Variants in CTNNA2 observed in about 807,000 individuals in gnomAD.
CTNNA2 encodes catenin alpha 2.
In CTNNA2, 42 loss-of-function variants were observed where a neutral mutation model predicts 101.0. That is an observed-to-expected ratio of 0.42 (90% CI 0.32 to 0.54). The LOEUF (loss-of-function observed/expected upper bound fraction) is 0.54, where lower values mean the gene tolerates loss of function less well. Among genes scored for constraint, CTNNA2 ranks in the 20% least tolerant of loss-of-function variants. The pLI is 0.14. For synonymous variants in CTNNA2, 450 were observed against 456.4 expected (o/e 0.99, Z 0.18); for missense variants, 871 against 1,223.1 (o/e 0.71, Z 4.29).
At chr2:79,396,675 A>G (rs1028819712) in intron 4 of CTNNA2, among the ~76,000 whole-genome samples, 9 of 152,160 alleles carry the variant, frequency 5.9e-5, no homozygotes, top group Admixed American at 5.9e-4. Flanking sequence ...CATATGTTTT[A>G]AGGCTTTCCT....
intron 4 of CTNNA2, among the ~76,000 whole-genome samples, chr2:79,384,699 C>G (rs1042045084): frequency 6.6e-6 from 1 of 152,140 alleles, no homozygotes; most frequent in Non-Finnish European, 1.5e-5. Flanking sequence ...GCTCTGCACT[C>G]TCTTTGCACA....
At chr2:79,549,020 G>A (rs1673916799) in intron 1 of CTNNA2, among the ~76,000 whole-genome samples, 1 of 152,144 alleles carries the variant, frequency 6.6e-6, no homozygotes, top group African/African-American at 2.4e-5. Flanking sequence ...CCGCTTAATG[G>A]TTATGTGTCC....
At chr2:79,516,600 A>G (rs1035428696) in intron 1 of CTNNA2, among the ~76,000 whole-genome samples, 35 of 152,204 alleles carry the variant, frequency 2.3e-4, no homozygotes, top group Non-Finnish European at 4.7e-4. Context: ...TCACTGGGTT[A>G]AGACAACTTC....
rs542444746 is a variant in CTNNA2, at chr2:80,549,853, A to G, written c.1540+3790A>G. 7.9e-5 allele frequency among the ~76,000 whole-genome samples: 12 copies of G among 152,244 alleles called. No homozygotes were observed. The East Asian group carries it at 1.2e-3, about 15-fold the overall frequency. On this transcript the variant is annotated intron_variant, in intron 11 of 18. Transcript: ENST00000402739. Reference sequence around the variant, plus strand: ...GAATGCAAATGTGAATGAAGTGTGTATTCTGCCTTTAAATAATTGACTGCC... The same window carrying G: ...GAATGCAAATGTGAATGAAGTGTGTGTTCTGCCTTTAAATAATTGACTGCC...
At position 79,210,088 on chromosome 2, in the gene CTNNA2, T is replaced by TTTTGTGTGTGTGTG. The variant is rs112984318; in HGVS notation, c.-406+12013_-406+12014insTTGTGTGTGTGTGT. Among the ~76,000 whole-genome samples, 136 of 144,884 alleles carry TTTTGTGTGTGTGTG rather than the reference T, an allele frequency of 9.4e-4. 1 individual carries two copies. The highest frequency in any genetic ancestry group is 3.3e-3 in the African/African-American group (126 of 38,306). Reference sequence around the variant, plus strand: ...TTTGAGATTACAGAGTCAAGCTATATTGTGTGTGTGTGTGTGTGTGTGTGT... The same window carrying TTTTGTGTGTGTGTG: ...TTTGAGATTACAGAGTCAAGCTATATTTTGTGTGTGTGTGTGTGTGTGTGTGTGTGTGTGTGTGT... On this transcript the variant is annotated intron_variant, in intron 2 of 21. Coordinates refer to the CTNNA2 transcript ENST00000466387.
At chr2:79,470,818 T>C (rs755686501) in intron 4 of CTNNA2, among the ~76,000 whole-genome samples, 1 of 152,216 alleles carries the variant, frequency 6.6e-6, no homozygotes, top group Non-Finnish European at 1.5e-5. Flanking sequence ...CTTTGGTGCA[T>C]ACACGGAGTC....
chr2:79,955,139 G>A (rs1284954132), intron 7 of CTNNA2, among the ~76,000 whole-genome samples: 1 of 152,150 alleles, frequency 6.6e-6, no homozygotes, highest in African/African-American at 2.4e-5. Context: ...GGCAGAATCT[G>A]AAAGTATGGA....
At chr2:79,906,014 G>A (rs1685400619) in intron 6 of CTNNA2, among the ~76,000 whole-genome samples, 1 of 151,980 alleles carries the variant, frequency 6.6e-6, no homozygotes, top group South Asian at 2.1e-4. Flanking sequence ...TTTCTCGCTT[G>A]TTGGAGCCTG....
intron 1 of CTNNA2, among the ~76,000 whole-genome samples, chr2:79,532,068 G>A (rs1013163741): frequency 3.3e-5 from 5 of 152,084 alleles, no homozygotes; most frequent in African/African-American, 7.2e-5. Flanking sequence ...TGTTACAGAC[G>A]CTGGTTTGGT....
chr2:79,756,422 G>A (rs1672402131), intron 3 of CTNNA2, among the ~76,000 whole-genome samples: 1 of 151,966 alleles, frequency 6.6e-6, no homozygotes, highest in South Asian at 2.1e-4. Flanking sequence ...ATGAAATAAA[G>A]AAAACATACA....
intron 3 of CTNNA2, among the ~76,000 whole-genome samples, chr2:79,844,492 G>T (rs1321213025): frequency 6.6e-6 from 1 of 152,164 alleles, no homozygotes; most frequent in African/African-American, 2.4e-5. Context: ...GTCTGAGTTA[G>T]TGGGTCACAT....
intron 9 of CTNNA2, among the ~76,000 whole-genome samples, chr2:80,420,034 GAAAAAAAAAAAAA>G (rs527701227): frequency 2.9e-4 from 11 of 37,548 alleles, no homozygotes; most frequent in East Asian, 2.3e-3. Context: ...GGGAACTTGT[GAAAAAAAAAAAAA>G]AAAAAAAAAA....
chr2:79,957,911 T>C (rs150318149), intron 7 of CTNNA2, among the ~76,000 whole-genome samples: 1 of 152,368 alleles, frequency 6.6e-6, no homozygotes, highest in East Asian at 1.9e-4. Context: ...TCTCCTTTCA[T>C]ATTAGGGATT....
chr2:80,522,676 TTAAG>T (rs1302355268), intron 9 of CTNNA2, among the ~76,000 whole-genome samples: 1 of 152,034 alleles, frequency 6.6e-6, no homozygotes, highest in East Asian at 2.0e-4. Context: ...TGCTGCTTGT[TTAAG>T]TATGTAGCAC....
chr2:79,979,051 T>C (rs968820), intron 7 of CTNNA2, among the ~76,000 whole-genome samples: 29,248 of 151,912 alleles, frequency 0.19, 3,529 homozygotes, highest in Admixed American at 0.31. Flanking sequence ...TATTCAGTGA[T>C]ACATCCCTGA....
At position 80,013,812 on chromosome 2, in the gene CTNNA2, T is replaced by C. The variant is rs966277004; in HGVS notation, c.1056+104015T>C. On this transcript the variant is annotated intron_variant, in intron 7 of 18. Coordinates refer to ENST00000402739, the MANE Select transcript of CTNNA2 (RefSeq NM_001282597.3). ...TACTTATGAAAGTCAAAGTCTAAAG[T>C]GAACAGGTATTTTACTCCTGAGGAT... Among the ~76,000 whole-genome samples, 10 of 152,306 alleles carry C rather than the reference T, an allele frequency of 6.6e-5. No individual in the cohort carries two copies. The East Asian group carries it at 1.9e-3, about 29-fold the overall frequency.
chr2:80,334,505 A>G lies in CTNNA2; in HGVS notation c.1057-58706A>G, dbSNP rs535506184. Reference sequence around the variant, plus strand: ...ACTTGTGAGAATGAAAGGAGGCACTATTAATAATGATGCCATGGCAACAGG... The same window carrying G: ...ACTTGTGAGAATGAAAGGAGGCACTGTTAATAATGATGCCATGGCAACAGG... On this transcript the variant is annotated intron_variant, in intron 7 of 18. Coordinates refer to ENST00000402739, the MANE Select transcript of CTNNA2 (RefSeq NM_001282597.3). 3.3e-5 allele frequency among the ~76,000 whole-genome samples: 5 copies of G among 152,356 alleles called. No homozygotes were observed. The East Asian group carries it at 9.7e-4, about 29-fold the overall frequency.
chr2:80,340,695 T>TA (rs1300013350), intron 7 of CTNNA2, among the ~76,000 whole-genome samples: 4 of 152,194 alleles, frequency 2.6e-5, no homozygotes, highest in Non-Finnish European at 4.4e-5. Context: ...TGTTGACAAT[T>TA]ATATACAGGC....
At chr2:79,530,276 T>C (rs1672658848) in intron 1 of CTNNA2, among the ~76,000 whole-genome samples, 1 of 152,164 alleles carries the variant, frequency 6.6e-6, no homozygotes, top group Admixed American at 6.6e-5. Context: ...AAAATATGTT[T>C]TCAGTAAAAC....
Sources: allele counts gnomAD v4.1 joint callset (sites outside exome capture counted in the v4.1 genomes callset), GRCh38; gene constraint gnomAD v4.1.1; transcripts MANE v1.5; gene names NCBI Gene and HGNC (gene_info 2026-07-23, HGNC 2026-07-21).